The following SH3RF3 variants were observed in gnomAD, a reference collection of about 807,000 sequenced individuals.
SH3RF3 encodes SH3 domain containing ring finger 3.
A neutral mutation model predicts 66.3 loss-of-function variants in SH3RF3; 29 were observed. The ratio of observed to expected loss-of-function variants is 0.44; its 90% confidence interval spans 0.33 to 0.60. The LOEUF is 0.60. Among genes scored for constraint, SH3RF3 ranks in the 20% least tolerant of loss-of-function variants. The probability of loss-of-function intolerance (pLI) is 0.04; values close to 1 mark genes in which losing one functional copy is unlikely to be tolerated. For missense variants in SH3RF3, 1,194 were observed against 1,190.9 expected, an observed-to-expected ratio of 1.00 and a Z score of -0.04; for synonymous variants, 583 against 532.0, an observed-to-expected ratio of 1.10 and a Z score of -1.32.
chr2:109,410,754 G>A (rs1475661210), intron 4 of SH3RF3, among the ~76,000 whole-genome samples: 2 of 152,218 alleles, frequency 1.3e-5, no homozygotes, highest in Non-Finnish European at 2.9e-5. Context: ...TGGTGCAAAC[G>A]TACTTTATTA....
chr2:109,306,000 C>G (rs960365653), intron 1 of SH3RF3, among the ~76,000 whole-genome samples: 1 of 152,230 alleles, frequency 6.6e-6, no homozygotes, highest in South Asian at 2.1e-4. Flanking sequence ...CTGGGCATTA[C>G]AGAGCTACAG....
chr2:109,472,849 C>T (rs148071062), intron 8 of SH3RF3, among the ~76,000 whole-genome samples: 26 of 152,288 alleles, frequency 1.7e-4, no homozygotes, highest in African/African-American at 6.0e-4. Context: ...TGGACAGGGT[C>T]GTGACACACT....
At chr2:109,342,646 C>T (rs191493570) in intron 1 of SH3RF3, among the ~76,000 whole-genome samples, 116 of 152,350 alleles carry the variant, frequency 7.6e-4, no homozygotes, top group Admixed American at 1.2e-3. Context: ...GACTCTGGCA[C>T]CCGCCCTTAC....
chr2:109,357,055 T>G (rs961697762), intron 2 of SH3RF3, among the ~76,000 whole-genome samples: 9 of 151,770 alleles, frequency 5.9e-5, no homozygotes, highest in African/African-American at 2.2e-4. Context: ...TGTTACCTTT[T>G]TAAAATTTTT....
intron 1 of SH3RF3, 72 bp from the exon 2 acceptor site, chr2:109,347,602 G>A (rs1010317373): frequency 5.6e-5 from 87 of 1,549,536 alleles, no homozygotes; most frequent in Non-Finnish European, 7.6e-5. Context: ...GCCCCGGCCT[G>A]CCCCGGCAGA....
rs149498304 is a variant in SH3RF3 at position 109,321,836 on chromosome 2, A to G, written c.574-25838A>G. On this transcript the variant is annotated intron_variant, in intron 1 of 9. Transcript: ENST00000309415. Reference sequence around the variant, plus strand: ...TTGACATCAGAGGCTGGCCATGACAATCCCAAGGTTCTGCCAAATTCCAGT... The same window carrying G: ...TTGACATCAGAGGCTGGCCATGACAGTCCCAAGGTTCTGCCAAATTCCAGT... 5.7e-3 allele frequency among the ~76,000 whole-genome samples: 874 copies of G among 152,328 alleles called. 9 individuals are homozygous for G. Among genetic ancestry groups the G allele is most frequent in the African/African-American group, 0.02 (835 of 41,564 alleles).
At chr2:109,246,006 CAA>C (rs1367844885) in intron 1 of SH3RF3, among the ~76,000 whole-genome samples, 3 of 152,050 alleles carry the variant, frequency 2.0e-5, no homozygotes, top group African/African-American at 7.2e-5. Context: ...TGTGGTGAAA[CAA>C]AAAAAGAGCA....
chr2:109,397,199 G>C (rs978932638), intron 3 of SH3RF3, among the ~76,000 whole-genome samples: 1 of 152,126 alleles, frequency 6.6e-6, no homozygotes, highest in Non-Finnish European at 1.5e-5. Context: ...CGCTTGGTGA[G>C]GAGAAAACTC....
intron 1 of SH3RF3, among the ~76,000 whole-genome samples, chr2:109,249,112 T>A (rs947641814): frequency 1.3e-5 from 2 of 152,170 alleles, no homozygotes; most frequent in Non-Finnish European, 2.9e-5. Context: ...AACTCCTGGC[T>A]TCAAGCAATT....
At chr2:109,303,710 C>T (rs1332190067) in intron 1 of SH3RF3, among the ~76,000 whole-genome samples, 1 of 152,108 alleles carries the variant, frequency 6.6e-6, no homozygotes, top group East Asian at 1.9e-4. Flanking sequence ...TTTTAAAAAC[C>T]ACTTTGTTGA....
rs182045072 is a variant in SH3RF3 at position 109,241,294 on chromosome 2, A to C, written c.574-106380A>C. Among the ~76,000 whole-genome samples the C allele has an allele frequency of 7.4e-3, 1,123 of 152,270 alleles. 9 individuals carry two copies. The highest frequency in any genetic ancestry group is 0.024 in the South Asian group (116 of 4,826). On this transcript the variant is annotated intron_variant, in intron 1 of 9. Coordinates refer to ENST00000309415, the MANE Select transcript of SH3RF3 (RefSeq NM_001099289.3). Reference sequence around the variant, plus strand: ...CAGAAAAGACAAATTCATTTGTAGTAATGGCCATTATAAAAGATGGACGGA... The same window carrying C: ...CAGAAAAGACAAATTCATTTGTAGTCATGGCCATTATAAAAGATGGACGGA...
intron 2 of SH3RF3, among the ~76,000 whole-genome samples, chr2:109,357,109 ACATAT>A (rs1172876283): frequency 1.3e-5 from 2 of 150,814 alleles, no homozygotes; most frequent in Non-Finnish European, 1.5e-5. Flanking sequence ...CTTATACATA[ACATAT>A]CAGAAAGTTC....
At position 109,492,106 on chromosome 2, in the gene SH3RF3, G is replaced by A. The variant is rs369875969; in HGVS notation, c.2480+1170G>A. On this transcript the variant is annotated intron_variant, in intron 9 of 9. Transcript: ENST00000309415. Reference sequence around the variant, plus strand: ...CACGTCCTCTGCCTTCACGGTGGAAGCGTGGCCACACACTGTATGTAGATG... The same window carrying A: ...CACGTCCTCTGCCTTCACGGTGGAAACGTGGCCACACACTGTATGTAGATG... 9.8e-5 allele frequency among the ~76,000 whole-genome samples: 15 copies of A among 152,340 alleles called. No individual in the cohort carries two copies. In the East Asian group the frequency reaches 2.5e-3, roughly 25 times the overall value.
chr2:109,491,120 A>T (rs965411996), intron 9 of SH3RF3, among the ~76,000 whole-genome samples, 184 bp downstream of exon 9: 3 of 152,184 alleles, frequency 2.0e-5, no homozygotes, highest in African/African-American at 4.8e-5. Context: ...GAGTCTGGGA[A>T]CTGGAGTGTT....
At chr2:109,395,457 G>A (rs557823092) in intron 3 of SH3RF3, among the ~76,000 whole-genome samples, 9 of 152,294 alleles carry the variant, frequency 5.9e-5, no homozygotes, top group Non-Finnish European at 1.3e-4. Context: ...GGGATGCTGG[G>A]GATGCTGAAG....
At chr2:109,199,014 A>T (rs11123727) in intron 1 of SH3RF3, among the ~76,000 whole-genome samples, 1 of 152,018 alleles carries the variant, frequency 6.6e-6, no homozygotes, top group Non-Finnish European at 1.5e-5. Context: ...CTGTATTTAC[A>T]TGGTGGCCTT....
intron 1 of SH3RF3, among the ~76,000 whole-genome samples, chr2:109,244,928 C>T (rs890990142): frequency 6.6e-6 from 1 of 152,204 alleles, no homozygotes; most frequent in African/African-American, 2.4e-5. Context: ...TTGGCTGGCC[C>T]TGAGCTTGCC....
At chr2:109,267,721 T>G (rs1680531292) in intron 1 of SH3RF3, among the ~76,000 whole-genome samples, 1 of 152,132 alleles carries the variant, frequency 6.6e-6, no homozygotes, top group Admixed American at 6.5e-5. Context: ...CTCCCTTCCC[T>G]GTTTCTCAGT....
chr2:109,260,452 G>C (rs545123168), intron 1 of SH3RF3, among the ~76,000 whole-genome samples: 26 of 152,334 alleles, frequency 1.7e-4, no homozygotes, highest in African/African-American at 6.0e-4. Context: ...GGTGGAGAAA[G>C]CATCTGCCTC....
Sources: gnomAD v4.1 joint callset for allele counts (sites outside exome capture counted in the v4.1 genomes callset) on GRCh38, gnomAD v4.1.1 for gene constraint, MANE v1.5 for transcripts, NCBI Gene and HGNC (gene_info 2026-07-23, HGNC 2026-07-21) for gene names.